EPHA6: variants seen among roughly 807,000 people sequenced by gnomAD.
EPHA6 encodes EPH receptor A6, also known as ephrin type-A receptor 6.
A neutral mutation model predicts 112.0 loss-of-function variants in EPHA6; 50 were observed. The ratio of observed to expected loss-of-function variants is 0.45; its 90% confidence interval spans 0.36 to 0.56. EPHA6 has a LOEUF of 0.56. Ranked by LOEUF, EPHA6 falls within the 20% of genes least tolerant of loss-of-function variation. EPHA6 has a pLI of 0.00. For synonymous variants in EPHA6, 529 were observed against 490.7 expected (o/e 1.08, Z -1.03); for missense variants, 1,280 against 1,417.4 (o/e 0.90, Z 1.56).
intron 2 of EPHA6, among the ~76,000 whole-genome samples, chr3:96,898,073 A>G (rs546276573): frequency 4.6e-4 from 70 of 152,316 alleles, no homozygotes; most frequent in African/African-American, 1.6e-3. Flanking sequence ...GTTTTAAGAA[A>G]TCAATGTTGT....
At chr3:97,160,124 G>A (rs1263399287) in intron 3 of EPHA6, among the ~76,000 whole-genome samples, 3 of 152,144 alleles carry the variant, frequency 2.0e-5, no homozygotes, top group Middle Eastern at 3.4e-3. Flanking sequence ...CATCGTGGTC[G>A]CTTTGTTCTT....
chr3:96,987,218 G>A, intron 2 of EPHA6, 112 bp from the exon 3 acceptor site: 1 of 901,664 alleles, frequency 1.1e-6, no homozygotes, highest in Non-Finnish European at 1.7e-6. Context: ...AGCTTCATTT[G>A]TATCCTTTTA....
intron 3 of EPHA6, among the ~76,000 whole-genome samples, chr3:97,207,241 C>A (rs1452054012): frequency 6.6e-6 from 1 of 152,008 alleles, no homozygotes; most frequent in Non-Finnish European, 1.5e-5. Flanking sequence ...TTGTATAAGT[C>A]AAAGAATATC....
chr3:97,690,082 G>A (rs985001844), intron 14 of EPHA6, among the ~76,000 whole-genome samples: 1 of 152,222 alleles, frequency 6.6e-6, no homozygotes, highest in Non-Finnish European at 1.5e-5. Context: ...GGATAATTTT[G>A]CTATTGATCT....
chr3:97,510,632 G>A (rs1414022327), intron 10 of EPHA6, among the ~76,000 whole-genome samples: 1 of 152,138 alleles, frequency 6.6e-6, no homozygotes, highest in Non-Finnish European at 1.5e-5. Context: ...GACACCTCCT[G>A]GGAGGTGTAT....
chr3:97,130,605 T>TATACAC (rs1178078447), intron 3 of EPHA6, among the ~76,000 whole-genome samples: 1 of 152,168 alleles, frequency 6.6e-6, no homozygotes, highest in East Asian at 1.9e-4. Flanking sequence ...AATTTCCACT[T>TATACAC]ATACACATCC....
intron 2 of EPHA6, among the ~76,000 whole-genome samples, chr3:96,924,294 C>T (rs1041887269): frequency 4.6e-5 from 7 of 152,162 alleles, no homozygotes; most frequent in South Asian, 4.1e-4. Flanking sequence ...GGAATGTTTT[C>T]CATTTGTTTG....
chr3:96,888,681 A>C (rs550540554), intron 2 of EPHA6, among the ~76,000 whole-genome samples: 1 of 152,314 alleles, frequency 6.6e-6, no homozygotes, highest in South Asian at 2.1e-4. Context: ...GGCCTGGCCC[A>C]GGAAACCACT....
At chr3:97,389,798 T>C (rs1246399506) in intron 5 of EPHA6, among the ~76,000 whole-genome samples, 2 of 152,154 alleles carry the variant, frequency 1.3e-5, no homozygotes, top group African/African-American at 2.4e-5. Flanking sequence ...TATTAACTTA[T>C]GCAATAAATG....
intron 3 of EPHA6, among the ~76,000 whole-genome samples, chr3:97,194,791 G>A (rs2077397214): frequency 6.6e-6 from 1 of 151,232 alleles, no homozygotes; most frequent in Non-Finnish European, 1.5e-5. Flanking sequence ...TCCTCTTACT[G>A]AATTGACTCC....
chr3:97,249,773 A>T (rs180780645), intron 5 of EPHA6, among the ~76,000 whole-genome samples: 81 of 152,332 alleles, frequency 5.3e-4, no homozygotes, highest in African/African-American at 1.8e-3. Flanking sequence ...TACCCACTGC[A>T]TTAATAGAGA....
chr3:97,192,908 A>G (rs557081463), intron 3 of EPHA6, among the ~76,000 whole-genome samples: 5 of 152,184 alleles, frequency 3.3e-5, no homozygotes, highest in East Asian at 1.9e-4. Flanking sequence ...CCTTTCCCCA[A>G]TGTGGGTTCT....
intron 2 of EPHA6, among the ~76,000 whole-genome samples, chr3:96,868,023 G>A (rs987421075): frequency 1.3e-5 from 2 of 151,758 alleles, no homozygotes; most frequent in African/African-American, 2.4e-5. Context: ...TCTTAAACTA[G>A]GATTATGCTT....
intron 5 of EPHA6, among the ~76,000 whole-genome samples, chr3:97,360,620 T>C (rs1235143378): frequency 6.6e-6 from 1 of 152,198 alleles, no homozygotes; most frequent in East Asian, 1.9e-4. Flanking sequence ...TATATCATTG[T>C]TTCACACTGG....
At chr3:97,668,005 C>T (rs1231838495) in intron 14 of EPHA6, among the ~76,000 whole-genome samples, 1 of 152,176 alleles carries the variant, frequency 6.6e-6, no homozygotes, top group Non-Finnish European at 1.5e-5. Context: ...AGAGAAAGAT[C>T]ACCAAGAGAA....
intron 3 of EPHA6, among the ~76,000 whole-genome samples, chr3:97,049,500 G>C (rs1382324704): frequency 4.6e-5 from 7 of 152,202 alleles, no homozygotes; most frequent in Non-Finnish European, 4.4e-5. Flanking sequence ...AGATAGCGCA[G>C]ATAGAGCTTT....
At chr3:97,141,647 A>G (rs1183768574) in intron 3 of EPHA6, among the ~76,000 whole-genome samples, 1 of 151,986 alleles carries the variant, frequency 6.6e-6, no homozygotes, top group African/African-American at 2.4e-5. Flanking sequence ...TAGAGATACA[A>G]CATATCAAAA....
At chr3:97,562,446 G>C (rs572608984) in intron 11 of EPHA6, among the ~76,000 whole-genome samples, 43 of 152,270 alleles carry the variant, frequency 2.8e-4, no homozygotes, top group Admixed American at 5.9e-4. Context: ...CAGATGTGGT[G>C]GAAGTCGCAG....
At chr3:97,605,157 A>C (rs2093671373) in intron 12 of EPHA6, among the ~76,000 whole-genome samples, 1 of 151,526 alleles carries the variant, frequency 6.6e-6, no homozygotes, top group African/African-American at 2.4e-5. Flanking sequence ...GAGAGTTTAC[A>C]ATGGAGATGA....
Sources: allele counts gnomAD v4.1 joint callset (sites outside exome capture counted in the v4.1 genomes callset), GRCh38; gene constraint gnomAD v4.1.1; transcripts MANE v1.5; gene names NCBI Gene and HGNC (gene_info 2026-07-23, HGNC 2026-07-21).